PIGF: variants seen among roughly 807,000 people sequenced by gnomAD.
PIGF encodes GPI ethanolamine phosphate transferase, stabilizing subunit.
Under a neutral mutation model 26.0 loss-of-function variants are expected in PIGF, and 23 were observed. That is an observed-to-expected ratio of 0.88 (90% CI 0.64 to 1.25). The LOEUF (loss-of-function observed/expected upper bound fraction) is 1.25, where lower values mean the gene tolerates loss of function less well. PIGF is among the 50% of genes most tolerant of loss of function. The probability of loss-of-function intolerance (pLI) is 0.00; values close to 1 mark genes in which losing one functional copy is unlikely to be tolerated. For missense variants in PIGF, 278 were observed against 249.9 expected (o/e 1.11, Z -0.76); for synonymous variants, 93 against 92.6 (o/e 1.00, Z -0.03).
At chr2:46,613,898 T>A (rs894320652) in intron 2 of PIGF, 113 bp from the exon 3 acceptor site, 4 of 865,274 alleles carry the variant, frequency 4.6e-6, no homozygotes, top group East Asian at 5.5e-5. Flanking sequence ...ACAGTTCAAA[T>A]GTTCTTGGGT....
rs547012491 is a variant in PIGF at position 46,596,060 on chromosome 2, A to G, written c.438-3477T>C. Among the ~76,000 whole-genome samples, 55 of 152,106 alleles carry G rather than the reference A, an allele frequency of 3.6e-4. No individual in the cohort carries two copies. In the South Asian group the frequency reaches 0.011, roughly 31 times the overall value. On this transcript the variant is annotated intron_variant, in intron 4 of 5. Coordinates refer to ENST00000281382, the MANE Select transcript of PIGF (RefSeq NM_002643.4). The stretch of plus-strand genomic sequence containing the variant: ...AAACCCCATCTCTACTAAAAATACA[A>G]AAAATTAGCTGGGCGCAGCGTCAGG...
At chr2:46,599,788 C>G (rs1345074770) in intron 4 of PIGF, among the ~76,000 whole-genome samples, 1 of 151,998 alleles carries the variant, frequency 6.6e-6, no homozygotes, top group African/African-American at 2.4e-5. Context: ...TTCTTTCAGG[C>G]CAGATTCTTC....
intron 5 of PIGF, among the ~76,000 whole-genome samples, chr2:46,586,904 A>C (rs971338740): frequency 2.0e-5 from 3 of 152,242 alleles, no homozygotes; most frequent in Non-Finnish European, 4.4e-5. Flanking sequence ...GTGACTAAGA[A>C]TACTACTTTA....
At chr2:46,612,977 C>T (rs1670474093) in intron 3 of PIGF, among the ~76,000 whole-genome samples, 1 of 151,916 alleles carries the variant, frequency 6.6e-6, no homozygotes, top group African/African-American at 2.4e-5. Context: ...TTACAAAGGT[C>T]TTGTTCTCTC....
intron 4 of PIGF, among the ~76,000 whole-genome samples, chr2:46,609,793 A>G (rs929733098): frequency 6.6e-6 from 1 of 152,172 alleles, no homozygotes; most frequent in African/African-American, 2.4e-5. Flanking sequence ...GTCATCTTAT[A>G]TGGGTATGAG....
At chr2:46,604,129 T>C (rs1461164484) in intron 4 of PIGF, among the ~76,000 whole-genome samples, 5 of 151,992 alleles carry the variant, frequency 3.3e-5, no homozygotes, top group Non-Finnish European at 5.9e-5. Context: ...ATATCACTGG[T>C]CGTCAGAGAA....
At chr2:46,606,430 T>C (rs1268081975) in intron 4 of PIGF, among the ~76,000 whole-genome samples, 1 of 152,220 alleles carries the variant, frequency 6.6e-6, no homozygotes, top group Non-Finnish European at 1.5e-5. Flanking sequence ...TGGGGTTTTT[T>C]TCTGTTTTTA....
In PIGF at chr2:46,588,052, T is replaced by C. The variant is rs1392964561; in HGVS notation, c.546+4423A>G. On this transcript the variant is annotated intron_variant, in intron 5 of 5. Coordinates refer to ENST00000281382, the MANE Select transcript of PIGF (RefSeq NM_002643.4). This position sits in a 1 kb window ranked among gnomAD's most constrained non-coding sequence, Gnocchi z 4.1. ...CCTCTCACACTTGGACTTTCTAGTG[T>C]ATAAAATGGGAGTAAAACCTACCTT... The C allele has an allele frequency of 2.6e-6, 4 of 1,534,458 alleles. No homozygotes were observed. In the African/African-American group the frequency reaches 4.2e-5, roughly 16 times the overall value.
At chr2:46,609,477 C>T (rs1291280784) in intron 4 of PIGF, among the ~76,000 whole-genome samples, 1 of 152,204 alleles carries the variant, frequency 6.6e-6, no homozygotes. Flanking sequence ...TTTTCCTTTG[C>T]ATTCACAACT....
Position 46,588,828 on chromosome 2 carries a change from G to T in PIGF, c.546+3647C>A, listed in dbSNP as rs1669652024. Among the ~76,000 whole-genome samples, 2 of 152,058 alleles carry T rather than the reference G, an allele frequency of 1.3e-5. No homozygotes were observed. The highest frequency in any genetic ancestry group is 4.8e-5 in the African/African-American group (2 of 41,424). On this transcript the variant is annotated intron_variant, in intron 5 of 5. Coordinates refer to ENST00000281382, the MANE Select transcript of PIGF (RefSeq NM_002643.4). The surrounding 1 kb of genome is among the most constrained non-coding windows in gnomAD (Gnocchi z 4.1). ...TTAAATAATTAAATTCCAGTCCTGG[G>T]TGTATTTAAGTATCTGTTGTACTTA...
intron 4 of PIGF, among the ~76,000 whole-genome samples, chr2:46,604,741 G>C (rs1001350518): frequency 6.6e-6 from 1 of 151,852 alleles, no homozygotes; most frequent in Non-Finnish European, 1.5e-5. Flanking sequence ...GGGGTGCAGA[G>C]AATGTGATTA....
chr2:46,611,482 CA>C (rs71397012), intron 4 of PIGF, among the ~76,000 whole-genome samples: 361 of 125,500 alleles, frequency 2.9e-3, no homozygotes, highest in African/African-American at 4.5e-3. Context: ...GGTTCCATCT[CA>C]AAAAAAAAAA....
intron 4 of PIGF, among the ~76,000 whole-genome samples, chr2:46,602,081 T>C (rs1307971311): frequency 6.6e-6 from 1 of 151,986 alleles, no homozygotes; most frequent in Non-Finnish European, 1.5e-5. Context: ...TGAATTAAAT[T>C]AGTACAAACT....
chr2:46,606,232 T>G (rs1410927853), intron 4 of PIGF, among the ~76,000 whole-genome samples: 2 of 152,230 alleles, frequency 1.3e-5, no homozygotes, highest in Non-Finnish European at 2.9e-5. Context: ...GTCTCCTTAC[T>G]TTGTCCTCTA....
At chr2:46,600,446 T>C (rs961663498) in intron 4 of PIGF, among the ~76,000 whole-genome samples, 2 of 152,194 alleles carry the variant, frequency 1.3e-5, no homozygotes, top group African/African-American at 2.4e-5. Context: ...GAAAATTTGA[T>C]ATTAAACCTT....
chr2:46,593,592 G>T (rs544545881), intron 4 of PIGF, among the ~76,000 whole-genome samples: 1 of 152,320 alleles, frequency 6.6e-6, no homozygotes, highest in African/African-American at 2.4e-5. Flanking sequence ...AAGGTGGAAA[G>T]ACTTAATTCT....
At position 46,580,945 on chromosome 2, in the gene PIGF, T is replaced by C. The variant is rs1288962391; in HGVS notation, c.*533A>G. Reference sequence around the variant, plus strand: ...CCTCCCAGATAGGAGCATGCTGCTATGTGGAATGTTCAGCTTTAACCCAGA... The same window carrying C: ...CCTCCCAGATAGGAGCATGCTGCTACGTGGAATGTTCAGCTTTAACCCAGA... On this transcript the variant is annotated 3_prime_UTR_variant, in exon 6 of 6. Transcript: ENST00000281382. The C allele has an allele frequency of 6.5e-7, 1 of 1,527,630 alleles. No individual in the cohort carries two copies. The highest frequency in any genetic ancestry group is 8.7e-7 in the Non-Finnish European group (1 of 1,143,588). The allele number at this position is 1,527,630 out of a possible 1,614,324, so 94.6% of individuals were successfully genotyped here. A position where few individuals can be genotyped will look rare whatever the true frequency, so the allele number is the denominator to read the frequency against.
chr2:46,609,609 T>C (rs1670340177), intron 4 of PIGF, among the ~76,000 whole-genome samples: 1 of 152,158 alleles, frequency 6.6e-6, no homozygotes, highest in Non-Finnish European at 1.5e-5. Context: ...AAAATTTTCC[T>C]TTCACTTGAA....
At position 46,612,340 on chromosome 2, in the gene PIGF, C is replaced by T. The variant is rs1328307890; in HGVS notation, c.325G>A (p.Ala109Thr). The T allele has an allele frequency of 1.6e-6, 2 of 1,241,714 alleles. No homozygotes were observed. Among genetic ancestry groups the T allele is most frequent in the African/African-American group, 1.5e-5 (1 of 64,806 alleles). The allele number at this position is 1,241,714 out of a possible 1,614,324, so 76.9% of individuals were successfully genotyped here. Reference sequence around the variant, plus strand: ...ACTGCAAATAAAAATGTTTCCAATGCCAACCTAGAAAAAAAAAAAGATTAC... The same window carrying T: ...ACTGCAAATAAAAATGTTTCCAATGTCAACCTAGAAAAAAAAAAAGATTAC... ...VLYGAPLIEL[A>T]LETFLFAVIL... is the part of the protein sequence containing the mutation. Residue 109 changes from alanine to threonine, a missense_variant, in exon 4 of 6, where the codon GCA becomes ACA. Coordinates refer to ENST00000281382, the MANE Select transcript of PIGF (RefSeq NM_002643.4).
Sources: gnomAD v4.1 joint callset for allele counts (sites outside exome capture counted in the v4.1 genomes callset) on GRCh38, gnomAD v4.1.1 for gene constraint, Gnocchi (gnomAD v3.1) non-coding constraint, MANE v1.5 for transcripts, NCBI Gene and HGNC (gene_info 2026-07-23, HGNC 2026-07-21) for gene names.